Variants in RGS22 observed in about 807,000 individuals in gnomAD.
RGS22 encodes regulator of G protein signaling 22, also known as regulator of G-protein signaling 22.
In RGS22, 148 loss-of-function variants were observed where a neutral mutation model predicts 172.9. That is an observed-to-expected ratio of 0.86 (90% CI 0.75 to 0.98). The LOEUF is 0.98. Ranked by LOEUF, RGS22 falls within the 50% of genes least tolerant of loss-of-function variation. The pLI is 0.00. For synonymous variants in RGS22, 458 were observed against 480.2 expected, an observed-to-expected ratio of 0.95 and a Z score of 0.60; for missense variants, 1,347 against 1,440.8, an observed-to-expected ratio of 0.93 and a Z score of 1.05.
At chr8:100,012,021 C>T (rs1176575449) in intron 14 of RGS22, among the ~76,000 whole-genome samples, 1 of 151,850 alleles carries the variant, frequency 6.6e-6, no homozygotes, top group African/African-American at 2.4e-5. Context: ...TAAACCAAGT[C>T]AGAGTAATGC....
chr8:100,075,136 T>C (rs1209344746), intron 4 of RGS22, among the ~76,000 whole-genome samples: 2 of 152,150 alleles, frequency 1.3e-5, no homozygotes, highest in African/African-American at 4.8e-5. Context: ...GTAGGATAGA[T>C]GGGCAGTGAT....
intron 14 of RGS22, among the ~76,000 whole-genome samples, chr8:100,024,606 CATAAAG>C (rs1180358459): frequency 3.9e-5 from 6 of 152,142 alleles, no homozygotes; most frequent in African/African-American, 1.4e-4. Context: ...ATTTAATGTT[CATAAAG>C]ATAGTTTAAG....
intron 23 of RGS22, among the ~76,000 whole-genome samples, chr8:99,977,270 A>ATTTCTTTTT (rs1428079850): frequency 2.7e-3 from 325 of 120,374 alleles, no homozygotes; most frequent in Non-Finnish European, 4.7e-3. Flanking sequence ...CGCCCGGTTA[A>ATTTCTTTTT]TTTTTTTTTT....
chr8:99,963,470 G>T (rs1810418995), intron 24 of RGS22, among the ~76,000 whole-genome samples: 1 of 152,094 alleles, frequency 6.6e-6, no homozygotes, highest in Admixed American at 6.6e-5. Context: ...TCAAGTTTTA[G>T]GGGGAGAGTA....
intron 19 of RGS22, 30 bp downstream of exon 19, chr8:99,999,232 G>A (rs1042545090): frequency 2.5e-6 from 4 of 1,595,508 alleles, no homozygotes; most frequent in Non-Finnish European, 3.4e-6. Context: ...ACTGACAACT[G>A]CTATCAAAAG....
chr8:99,971,579 A>C (rs555643070), intron 23 of RGS22, among the ~76,000 whole-genome samples: 2 of 152,274 alleles, frequency 1.3e-5, no homozygotes, highest in South Asian at 4.1e-4. Flanking sequence ...CCATACACCA[A>C]TAATAGACAA....
chr8:99,972,014 A>G (rs1356473333), intron 23 of RGS22, among the ~76,000 whole-genome samples: 1 of 152,210 alleles, frequency 6.6e-6, no homozygotes, highest in Non-Finnish European at 1.5e-5. Context: ...ACATGGCTAC[A>G]ATAATAAAAA....
At chr8:99,996,623 T>G in intron 19 of RGS22, 93 bp from the exon 20 acceptor site, 2 of 1,066,694 alleles carry the variant, frequency 1.9e-6, no homozygotes, top group Non-Finnish European at 1.4e-6. Flanking sequence ...GAGATAAAGG[T>G]TAACTTGGAC....
chr8:100,103,736 G>A (rs1336435637), intron 2 of RGS22, among the ~76,000 whole-genome samples: 1 of 152,040 alleles, frequency 6.6e-6, no homozygotes, highest in East Asian at 1.9e-4. Context: ...CATGAGAAAA[G>A]AAAAAGAGAA....
chr8:99,987,145 G>T (rs1813183654), intron 21 of RGS22, among the ~76,000 whole-genome samples: 1 of 152,130 alleles, frequency 6.6e-6, no homozygotes, highest in African/African-American at 2.4e-5. Flanking sequence ...ACTCCAAGGA[G>T]CATTTACTTT....
At chr8:100,002,174 T>C (rs922642881) in intron 18 of RGS22, 28 bp downstream of exon 18, 1 of 1,497,470 alleles carries the variant, frequency 6.7e-7, no homozygotes, top group African/African-American at 1.4e-5. Context: ...CAAACATCAA[T>C]TAAAAAAATA....
intron 2 of RGS22, among the ~76,000 whole-genome samples, chr8:100,097,918 C>T (rs1386854085): frequency 6.6e-6 from 1 of 152,210 alleles, no homozygotes; most frequent in African/African-American, 2.4e-5. Context: ...TTTTCTACTA[C>T]AAAAAGGGCT....
intron 14 of RGS22, among the ~76,000 whole-genome samples, chr8:100,019,460 G>C (rs1250742819): frequency 6.6e-6 from 1 of 152,178 alleles, no homozygotes; most frequent in Non-Finnish European, 1.5e-5. Flanking sequence ...GGCCAGGACT[G>C]GAAGTAAGAA....
chr8:100,025,943 C>T (rs551193060), intron 14 of RGS22, among the ~76,000 whole-genome samples: 3 of 151,676 alleles, frequency 2.0e-5, no homozygotes, highest in African/African-American at 7.2e-5. Flanking sequence ...ATTCTTGACC[C>T]TTGATAGAAA....
chr8:99,977,009 GACCA>G (rs1486355051), intron 23 of RGS22, among the ~76,000 whole-genome samples: 1 of 152,084 alleles, frequency 6.6e-6, no homozygotes, highest in Non-Finnish European at 1.5e-5. Context: ...GAGAGAAAGA[GACCA>G]ATGAATGAAT....
chr8:100,100,313 G>T (rs370864880), intron 2 of RGS22, among the ~76,000 whole-genome samples: 12 of 140,000 alleles, frequency 8.6e-5, no homozygotes, highest in African/African-American at 3.3e-4. Context: ...TTTTTGAGAC[G>T]TAGTCTCATT....
At chr8:100,021,024 C>A (rs1390545644) in intron 14 of RGS22, among the ~76,000 whole-genome samples, 2 of 152,150 alleles carry the variant, frequency 1.3e-5, no homozygotes, top group Non-Finnish European at 2.9e-5. Flanking sequence ...TGCTTTTTCC[C>A]CTAGAGATCT....
chr8:99,962,329 T>G, intron 27 of RGS22, 65 bp downstream of exon 27: 1 of 994,774 alleles, frequency 1.0e-6, no homozygotes, highest in Non-Finnish European at 1.6e-6. Flanking sequence ...CATGCGTGCA[T>G]GTACATGAAT....
chr8:99,974,384 C>T (rs926793361), intron 23 of RGS22, among the ~76,000 whole-genome samples: 1 of 152,030 alleles, frequency 6.6e-6, no homozygotes, highest in African/African-American at 2.4e-5. Context: ...TAACCCATGG[C>T]CATAACCCTT....
Sources: allele counts gnomAD v4.1 joint callset (sites outside exome capture counted in the v4.1 genomes callset), GRCh38; gene constraint gnomAD v4.1.1; transcripts MANE v1.5; gene names NCBI Gene and HGNC (gene_info 2026-07-23, HGNC 2026-07-21).